CDC42BPA: variants seen among roughly 807,000 people sequenced by gnomAD.
CDC42BPA encodes CDC42 binding protein kinase alpha.
In CDC42BPA, 80 loss-of-function variants were observed where a neutral mutation model predicts 223.5. The ratio of observed to expected loss-of-function variants is 0.36; its 90% CI spans 0.30 to 0.43. CDC42BPA has a LOEUF of 0.43. CDC42BPA is among the 20% of genes least tolerant of loss of function. The pLI, the probability that CDC42BPA is intolerant of heterozygous loss-of-function variation, is 1.00. For synonymous variants in CDC42BPA, 694 were observed against 718.6 expected (o/e 0.97, Z 0.55); for missense variants, 1,743 against 2,099.9 (o/e 0.83, Z 3.32).
intron 21 of CDC42BPA, among the ~76,000 whole-genome samples, chr1:227,059,961 C>T (rs970983509): frequency 1.1e-4 from 16 of 151,904 alleles, no homozygotes; most frequent in Non-Finnish European, 2.1e-4. Flanking sequence ...GAGGGACTTT[C>T]ACCTTTCTAA....
intron 10 of CDC42BPA, among the ~76,000 whole-genome samples, chr1:227,133,193 G>A (rs1360574319): frequency 6.8e-6 from 1 of 147,910 alleles, no homozygotes; most frequent in African/African-American, 2.5e-5. Context: ...CTGGCCGGCT[G>A]CCCCGTCTGG....
chr1:227,042,266 A>C (rs1671516166), intron 23 of CDC42BPA, among the ~76,000 whole-genome samples: 1 of 146,224 alleles, frequency 6.8e-6, no homozygotes. Context: ...AATTCTCCAT[A>C]ATACCTCCCG....
At chr1:227,197,484 T>C (rs1221477538) in intron 4 of CDC42BPA, among the ~76,000 whole-genome samples, 1 of 152,122 alleles carries the variant, frequency 6.6e-6, no homozygotes, top group Non-Finnish European at 1.5e-5. Flanking sequence ...ATACAGACTA[T>C]TTTTCCCTGA....
At position 227,212,080 on chromosome 1, in the gene CDC42BPA, T is replaced by TTTAG. The variant is rs1674015295; in HGVS notation, c.354+1055_354+1056insCTAA. Among the ~76,000 whole-genome samples, 3 of 152,036 alleles carry TTTAG rather than the reference T, an allele frequency of 2.0e-5. No individual in the cohort carries two copies. In the South Asian group the frequency reaches 6.2e-4, roughly 32 times the overall value. Reference sequence around the variant, plus strand: ...ATATTTGTGCTTCACTTCTGAGGGTTTTTGTTTGTTTGTTTTTTTTAGTTT... The same window carrying TTTAG: ...ATATTTGTGCTTCACTTCTGAGGGTTTTAGTTTGTTTGTTTGTTTTTTTTAGTTT... On this transcript the variant is annotated intron_variant, in intron 3 of 36. Transcript: ENST00000366766.
chr1:227,121,021 G>C (rs1688576533), intron 11 of CDC42BPA, among the ~76,000 whole-genome samples: 4 of 152,194 alleles, frequency 2.6e-5, no homozygotes, highest in Admixed American at 2.6e-4. Context: ...TGCCACCGCT[G>C]ATCTGACAGG....
At chr1:227,049,162 C>A (rs1673046943) in intron 22 of CDC42BPA, among the ~76,000 whole-genome samples, 1 of 151,534 alleles carries the variant, frequency 6.6e-6, no homozygotes, top group African/African-American at 2.4e-5. Flanking sequence ...AAAATCTATA[C>A]AAAAGTTAAT....
chr1:227,193,195 G>A (rs1018731356), intron 5 of CDC42BPA, among the ~76,000 whole-genome samples: 4 of 148,676 alleles, frequency 2.7e-5, no homozygotes, highest in East Asian at 2.0e-4. Context: ...CAGCCTCTCC[G>A]AGTAGCTGGG....
chr1:227,030,601 C>T, intron 28 of CDC42BPA, 131 bp from the exon 29 acceptor site: 1 of 557,394 alleles, frequency 1.8e-6, no homozygotes. Context: ...TACACTATTT[C>T]CTTTCAGATT....
chr1:227,297,989 CATAT>C (rs1205408321), intron 1 of CDC42BPA, among the ~76,000 whole-genome samples: 4 of 134,180 alleles, frequency 3.0e-5, no homozygotes, highest in East Asian at 4.1e-4. Context: ...CACATATATA[CATAT>C]ATATACATAT....
intron 16 of CDC42BPA, among the ~76,000 whole-genome samples, chr1:227,090,570 G>A (rs1682885755): frequency 6.6e-6 from 1 of 152,156 alleles, no homozygotes; most frequent in South Asian, 2.1e-4. Context: ...CAGCATTTTG[G>A]GAGGCTGAGG....
intron 11 of CDC42BPA, among the ~76,000 whole-genome samples, chr1:227,125,190 G>A (rs1689335799): frequency 8.9e-6 from 1 of 112,524 alleles, no homozygotes; most frequent in South Asian, 3.3e-4. Context: ...TTCTACTTGA[G>A]ATAAACATCA....
intron 2 of CDC42BPA, among the ~76,000 whole-genome samples, chr1:227,215,888 T>A (rs953899948): frequency 6.6e-6 from 1 of 152,156 alleles, no homozygotes; most frequent in Admixed American, 6.6e-5. Flanking sequence ...TATATACAAA[T>A]AAAAACTAAG....
intron 8 of CDC42BPA, among the ~76,000 whole-genome samples, chr1:227,143,709 T>C (rs888932295): frequency 6.6e-6 from 1 of 152,158 alleles, no homozygotes; most frequent in Non-Finnish European, 1.5e-5. Flanking sequence ...TGTTAATGAA[T>C]CAACAACATA....
chr1:227,316,098 A>G (rs34125608), intron 1 of CDC42BPA, among the ~76,000 whole-genome samples: 31,009 of 152,196 alleles, frequency 0.2, 3,502 homozygotes, highest in African/African-American at 0.26. Flanking sequence ...GTACAAAATC[A>G]TATTTGGCCA....
intron 32 of CDC42BPA, among the ~76,000 whole-genome samples, chr1:227,020,386 A>C (rs1462805334): frequency 6.6e-6 from 1 of 152,198 alleles, no homozygotes; most frequent in East Asian, 1.9e-4. Context: ...TTTTAGCTAA[A>C]CTGAATTTCG....
chr1:227,093,805 T>A (rs1262246815), intron 15 of CDC42BPA, among the ~76,000 whole-genome samples: 2 of 152,208 alleles, frequency 1.3e-5, no homozygotes, highest in Non-Finnish European at 2.9e-5. Flanking sequence ...TTTGTCTCAG[T>A]TTCTGTCTTT....
intron 1 of CDC42BPA, among the ~76,000 whole-genome samples, chr1:227,270,583 T>G (rs1382335508): frequency 1.3e-5 from 2 of 152,160 alleles, no homozygotes; most frequent in Non-Finnish European, 2.9e-5. Flanking sequence ...GTGGAAAAAA[T>G]ACATAACATA....
intron 2 of CDC42BPA, among the ~76,000 whole-genome samples, chr1:227,251,254 G>T (rs2148242149): frequency 6.6e-6 from 1 of 151,978 alleles, no homozygotes; most frequent in Admixed American, 6.6e-5. Flanking sequence ...GGTAGAAATT[G>T]GGTAAATGGG....
At chr1:227,170,194 T>C (rs1558666562) in intron 5 of CDC42BPA, among the ~76,000 whole-genome samples, 1 of 152,082 alleles carries the variant, frequency 6.6e-6, no homozygotes, top group Non-Finnish European at 1.5e-5. Flanking sequence ...TCTGCTTTGT[T>C]CTCTAGAGAC....
Sources: gnomAD v4.1 joint callset for allele counts (sites outside exome capture counted in the v4.1 genomes callset) on GRCh38, gnomAD v4.1.1 for gene constraint, MANE v1.5 for transcripts, NCBI Gene and HGNC (gene_info 2026-07-23, HGNC 2026-07-21) for gene names.